Variants in PRKD3 observed in about 807,000 individuals in gnomAD.
PRKD3 encodes the protein serine/threonine-protein kinase D3.
Under a neutral mutation model 99.2 loss-of-function variants are expected in PRKD3, and 47 were observed. That is an observed-to-expected ratio of 0.47 (90% confidence interval 0.38 to 0.60). The LOEUF (loss-of-function observed/expected upper bound fraction) is 0.60, where lower values mean the gene tolerates loss of function less well. PRKD3 is among the 20% of genes least tolerant of loss of function. The pLI is 0.00. For synonymous variants in PRKD3, 392 were observed against 355.4 expected, an observed-to-expected ratio of 1.10 and a Z score of -1.16; for missense variants, 1,019 against 1,088.4, an observed-to-expected ratio of 0.94 and a Z score of 0.90.
At chr2:37,268,023 G>A (rs1461345545) in intron 13 of PRKD3, 1 of 186,950 alleles carries the variant, frequency 5.3e-6, no homozygotes, top group Non-Finnish European at 1.1e-5. Context: ...TTAAAAAAAG[G>A]TAGAAGTTTA....
rs1404667900 is a variant in PRKD3 at position 37,275,783 on chromosome 2, C to T, written c.1358G>A (p.Gly453Glu). ...KCLTLFQNES[G>E]SKYYKEIPLS... ...AATCCTTACCTTATAATACTTTGAT[C>T]CAGATTCATTCTGAAATAATGTTAG... The change falls in exon 10 of 19, where the codon GGA becomes GAA. Residue 453 changes from glycine to glutamate, a missense_variant. Transcript: ENST00000234179. 7 of 1,609,040 alleles carry T rather than the reference C, an allele frequency of 4.4e-6. No homozygotes were observed. Among genetic ancestry groups the T allele is most frequent in the Middle Eastern group, 1.7e-4 (1 of 6,030 alleles).
intron 2 of PRKD3, among the ~76,000 whole-genome samples, chr2:37,310,267 C>A (rs1671364165): frequency 6.6e-6 from 1 of 152,194 alleles, no homozygotes; most frequent in Non-Finnish European, 1.5e-5. Flanking sequence ...AGTTTGGAAA[C>A]CACTAAGATC....
chr2:37,254,408 C>T (rs979730581), intron 17 of PRKD3, 119 bp from the exon 18 acceptor site: 5 of 702,868 alleles, frequency 7.1e-6, no homozygotes, highest in Admixed American at 4.8e-5. Context: ...TTTTGCTTCT[C>T]AAGGACGTGG....
chr2:37,260,229 G>T lies in PRKD3; in HGVS notation c.2040C>A (p.Val680=). The T allele has an allele frequency of 6.2e-7, 1 of 1,604,858 alleles. No individual in the cohort carries two copies. Among genetic ancestry groups the T allele is most frequent in the Non-Finnish European group, 8.5e-7 (1 of 1,174,056 alleles). Residue 680 remains valine, a synonymous_variant, in exon 15 of 19, where the codon GTC becomes GTA. Coordinates refer to ENST00000234179, the MANE Select transcript of PRKD3 (RefSeq NM_005813.6). ...AAAAAAGGAGTTAAAATACCTGTGTGACCATGAATTTAGTAATTCGTTCTG... is the reference window on the plus strand; with the variant it reads ...AAAAAAGGAGTTAAAATACCTGTGTTACCATGAATTTAGTAATTCGTTCTG... The part of the protein sequence containing the change: ...RLPERITKFM[V]TQILVALRNL...
intron 2 of PRKD3, among the ~76,000 whole-genome samples, chr2:37,295,540 T>C (rs183132043): frequency 2.1e-4 from 32 of 152,316 alleles, no homozygotes; most frequent in Non-Finnish European, 3.4e-4. Flanking sequence ...ACTGGCACCA[T>C]ACTAACAAAG....
At chr2:37,257,530 G>A (rs1325088907) in intron 16 of PRKD3, among the ~76,000 whole-genome samples, 1 of 151,984 alleles carries the variant, frequency 6.6e-6, no homozygotes, top group Non-Finnish European at 1.5e-5. Flanking sequence ...GCCTGGCGTG[G>A]TGGCGGGTGC....
rs1444071084 is a variant in PRKD3, at chr2:37,269,209, G to A, written c.1777+406C>T. On this transcript the variant is annotated intron_variant, in intron 13 of 18. Coordinates refer to ENST00000234179, the MANE Select transcript of PRKD3 (RefSeq NM_005813.6). ...TCGCAAAGTTGGATTTCAGGTTCAG[G>A]TTTTCAGACTTAATAGAACAATCAT... The A allele has an allele frequency of 3.1e-5, 6 of 192,256 alleles. No individual in the cohort carries two copies. The East Asian group carries it at 4.9e-4, about 16-fold the overall frequency. The allele number at this position is 192,256 out of a possible 1,614,324, so 11.9% of individuals were successfully genotyped here. A position where few individuals can be genotyped will look rare whatever the true frequency, so the allele number is the denominator to read the frequency against.
intron 16 of PRKD3, 84 bp downstream of exon 16, chr2:37,259,499 A>G: frequency 2.0e-6 from 2 of 997,650 alleles, no homozygotes; most frequent in South Asian, 1.7e-5. Context: ...TTTAACCAAC[A>G]GTACTTAGTA....
chr2:37,279,865 A>C lies in PRKD3; in HGVS notation c.1053T>G (p.Ser351Arg). 1 of 1,612,982 alleles carries C rather than the reference A, an allele frequency of 6.2e-7. No homozygotes were observed. The highest frequency in any genetic ancestry group is 8.5e-7 in the Non-Finnish European group (1 of 1,179,216). Residue 351 changes from serine (S) to arginine (R), a missense_variant, in exon 8 of 19, where the codon AGT (serine) becomes AGG (arginine). Ser to Arg is a moderately radical substitution (Grantham distance 110). This residue lies in a region of PRKD3 where 710 missense variants were observed against 692.7 expected (regional missense o/e 1.02). Coordinates refer to ENST00000234179, the MANE Select transcript of PRKD3 (RefSeq NM_005813.6). ...TGTCATCCAAACCCCGACTACTATC[A>C]CTATTTATGTCATTATTGTCAATAT... ...PMDIDNNDIN[S>R]DSSRGLDDTE...
At position 37,253,221 on chromosome 2, in the gene PRKD3, A is replaced by C. The variant is rs765804242; in HGVS notation, c.2629T>G (p.Phe877Val). The change falls in exon 19 of 19, where the codon TTC (phenylalanine) becomes GTC (valine). Residue 877 changes from phenylalanine (F) to valine (V), a missense_variant. Transcript: ENST00000234179. ...TCATCTGGATTAGGAGCCATAATGA[A>C]GTGCTTTGGGTATACAAGGTTATGT... ...YTHNLVYPKH[F>V]IMAPNPDDME... 1 of 1,611,604 alleles carries C rather than the reference A, an allele frequency of 6.2e-7. No homozygotes were observed. The highest frequency in any genetic ancestry group is 8.5e-7 in the Non-Finnish European group (1 of 1,178,568).
intron 4 of PRKD3, among the ~76,000 whole-genome samples, chr2:37,290,251 C>CA (rs749074211): frequency 1.3e-5 from 2 of 151,538 alleles, no homozygotes; most frequent in African/African-American, 2.4e-5. Context: ...TTTTTTGAGA[C>CA]AGAGTTTCGC....
rs538276408 is a variant in PRKD3, at chr2:37,293,028, T to C, written c.427+105A>G. On this transcript the variant is annotated intron_variant, in intron 3 of 18. Coordinates refer to ENST00000234179, the MANE Select transcript of PRKD3 (RefSeq NM_005813.6). Reference sequence around the variant, plus strand: ...ATTATTAGAGATGAAAGAAATTAAGTAACAATAATACAAAGACTAAATATA... The same window carrying C: ...ATTATTAGAGATGAAAGAAATTAAGCAACAATAATACAAAGACTAAATATA... 1.1e-5 allele frequency: 13 copies of C among 1,194,834 alleles called. No homozygotes were observed. The East Asian group carries it at 3.1e-4, about 29-fold the overall frequency. The allele number at this position is 1,194,834 out of a possible 1,614,324, so 74.0% of individuals were successfully genotyped here.
intron 2 of PRKD3, among the ~76,000 whole-genome samples, chr2:37,294,708 T>C (rs1454168405): frequency 6.6e-6 from 1 of 152,212 alleles, no homozygotes; most frequent in Non-Finnish European, 1.5e-5. Context: ...AATTATTCAG[T>C]TGGAGAATAA....
chr2:37,314,021 G>A lies in PRKD3; in HGVS notation c.288+2216C>T, dbSNP rs148168370. Among the ~76,000 whole-genome samples, 51 of 151,990 alleles carry A rather than the reference G, an allele frequency of 3.4e-4. 1 individual carries two copies. Among genetic ancestry groups the A allele is most frequent in the African/African-American group, 1.2e-3 (50 of 41,386 alleles). ...ATGTGTTTGCAAATAATAAGAGAGC[G>A]CCAAAAAATCAAAGAAAAGAACTGA... On this transcript the variant is annotated intron_variant, in intron 2 of 18. Transcript: ENST00000234179.
chr2:37,267,487 C>G lies in PRKD3; in HGVS notation c.1827G>C (p.Lys609Asn), dbSNP rs1480238374. The change falls in exon 14 of 19, where the codon AAG becomes AAC. Residue 609 changes from lysine (K) to asparagine (N), a missense_variant. By Grantham distance (94) the Lys-to-Asn change is moderately conservative. Transcript: ENST00000234179. ...GRDVAIKVID[K>N]MRFPTKQESQ... ...TTTCTTGTTTTGTGGGGAATCTCAT[C>G]TTATCAATTACTTTAATAGCCACAT... 1.2e-6 allele frequency: 2 copies of G among 1,611,478 alleles called. No individual in the cohort carries two copies. Among genetic ancestry groups the G allele is most frequent in the South Asian group, 2.2e-5 (2 of 90,626 alleles).
intron 8 of PRKD3, chr2:37,278,450 T>C (rs1669679560): frequency 6.6e-6 from 1 of 152,394 alleles, no homozygotes; most frequent in African/African-American, 2.4e-5. Context: ...GTTAGCAAAA[T>C]GTACTTCTAC....
Position 37,259,122 on chromosome 2 carries a change from G to A in PRKD3, c.2145+461C>T, listed in dbSNP as rs115101162. Among the ~76,000 whole-genome samples, 753 of 152,158 alleles carry A rather than the reference G, an allele frequency of 4.9e-3. 7 individuals are homozygous for A. Among genetic ancestry groups the A allele is most frequent in the African/African-American group, 0.017 (709 of 41,508 alleles). On this transcript the variant is annotated intron_variant, in intron 16 of 18. Transcript: ENST00000234179. ...ACATGTAGCCAGGACACAGAAGCACGATGCCATTGTGTGTATGTGTGGTGA... is the reference window on the plus strand; with the variant it reads ...ACATGTAGCCAGGACACAGAAGCACAATGCCATTGTGTGTATGTGTGGTGA...
Position 37,290,862 on chromosome 2 carries a change from A to C in PRKD3, c.559+6T>G, listed in dbSNP as rs1670384452. On this transcript the variant is annotated splice_donor_region_variant and intron_variant, in intron 4 of 18. Transcript: ENST00000234179. ...CAAATGACCACAAAAATTTTAGAAC[A>C]CACACCTTCACATTTCAGTCCTTGA... The C allele has an allele frequency of 6.3e-7, 1 of 1,577,400 alleles. No homozygotes were observed. The highest frequency in any genetic ancestry group is 8.6e-7 in the Non-Finnish European group (1 of 1,163,480).
chr2:37,308,543 A>ACCCCCACCCACCTCCCTCCCCCC (rs1558576673), intron 2 of PRKD3, among the ~76,000 whole-genome samples: 4 of 17,608 alleles, frequency 2.3e-4, no homozygotes, highest in Non-Finnish European at 4.3e-4. Flanking sequence ...CTCCCTCCCC[A>ACCCCCACCCACCTCCCTCCCCCC]CCCAGAGTTC....
Sources: gnomAD v4.1 joint callset for allele counts (sites outside exome capture counted in the v4.1 genomes callset) on GRCh38, gnomAD v4.1.1 for gene constraint, gnomAD v4.1.1 regional missense constraint, MANE v1.5 for transcripts, NCBI Gene and HGNC (gene_info 2026-07-23, HGNC 2026-07-21) for gene names.